PSMD9: variants seen among roughly 807,000 people sequenced by gnomAD.
PSMD9 encodes proteasome 26S subunit, non-ATPase 9.
PSMD9 carries 26 observed loss-of-function variants against 25.9 expected under a neutral mutation model. The ratio of observed to expected loss-of-function variants is 1.00; its 90% CI spans 0.73 to 1.39. The LOEUF is 1.39. PSMD9 is among the 40% of genes most tolerant of loss of function. The pLI, the probability that PSMD9 is intolerant of heterozygous loss-of-function variation, is 0.00. For synonymous variants in PSMD9, 110 were observed against 114.5 expected (o/e 0.96, Z 0.25); for missense variants, 303 against 299.3 (o/e 1.01, Z -0.09).
chr12:121,901,017 G>A (rs547830242), intron 3 of PSMD9, among the ~76,000 whole-genome samples: 1 of 151,156 alleles, frequency 6.6e-6, no homozygotes, highest in South Asian at 2.1e-4. Context: ...AGGAGATGGG[G>A]TTTCGCTCTG....
chr12:121,908,918 A>G (rs1454620223), intron 4 of PSMD9, among the ~76,000 whole-genome samples: 1 of 152,090 alleles, frequency 6.6e-6, no homozygotes, highest in Non-Finnish European at 1.5e-5. Context: ...GGAGGAGGTG[A>G]GGCCAGGAGG....
chr12:121,891,936 C>T (rs1485507666), intron 1 of PSMD9, among the ~76,000 whole-genome samples: 2 of 143,314 alleles, frequency 1.4e-5, no homozygotes, highest in African/African-American at 5.1e-5. Flanking sequence ...AAGTGGACAG[C>T]TAAAACTATA....
intron 4 of PSMD9, among the ~76,000 whole-genome samples, chr12:121,913,414 G>A (rs1242207330): frequency 6.6e-6 from 1 of 151,456 alleles, no homozygotes; most frequent in East Asian, 1.9e-4. Flanking sequence ...TTTTGTTGAT[G>A]TTGAGGTATA....
chr12:121,890,085 T>C (rs1485467855), intron 1 of PSMD9, among the ~76,000 whole-genome samples: 2 of 152,106 alleles, frequency 1.3e-5, no homozygotes, highest in Non-Finnish European at 2.9e-5. Context: ...GCCAGGCTAA[T>C]TTTTTATTTT....
chr12:121,890,490 C>T (rs1879036653), intron 1 of PSMD9, among the ~76,000 whole-genome samples: 1 of 151,962 alleles, frequency 6.6e-6, no homozygotes, highest in Non-Finnish European at 1.5e-5. Flanking sequence ...ATTATTGAGA[C>T]AGGGTCTCGC....
Position 121,889,014 on chromosome 12 carries a change from GC to G in PSMD9, c.138+24del. The G allele has an allele frequency of 6.4e-7, 1 of 1,570,026 alleles. No homozygotes were observed. Among genetic ancestry groups the G allele is most frequent in the Non-Finnish European group, 8.6e-7 (1 of 1,156,982 alleles). On this transcript the variant is annotated intron_variant, in intron 1 of 5. Coordinates refer to ENST00000541212, the MANE Select transcript of PSMD9 (RefSeq NM_002813.7). ...GAAAGCGTGAGTGTGGGTTCGGGGC[GC>G]CCCAAGTCGCCTAACCCGGCCCGGA...
At chr12:121,900,051 C>A (rs192479199) in intron 3 of PSMD9, among the ~76,000 whole-genome samples, 32 of 152,258 alleles carry the variant, frequency 2.1e-4, no homozygotes, top group African/African-American at 7.5e-4. Context: ...CCCGGCTGCC[C>A]ACTACATTGG....
intron 1 of PSMD9, chr12:121,893,667 G>T (rs900651563): frequency 6.6e-6 from 1 of 152,280 alleles, no homozygotes; most frequent in African/African-American, 2.4e-5. Flanking sequence ...ACCTCTGCCT[G>T]CATCTTCATG....
chr12:121,895,437 A>G (rs1368881869), intron 2 of PSMD9, among the ~76,000 whole-genome samples: 2 of 152,224 alleles, frequency 1.3e-5, no homozygotes, highest in Non-Finnish European at 2.9e-5. Flanking sequence ...ATTGGATAGT[A>G]TATTTGTTTC....
intron 4 of PSMD9, among the ~76,000 whole-genome samples, chr12:121,911,310 G>A (rs1457557991): frequency 6.6e-6 from 1 of 152,156 alleles, no homozygotes; most frequent in African/African-American, 2.4e-5. Flanking sequence ...AAAGTGCTGG[G>A]ATTACAGGAC....
chr12:121,906,855 A>T (rs1368141816), intron 4 of PSMD9, among the ~76,000 whole-genome samples: 1 of 149,690 alleles, frequency 6.7e-6, no homozygotes, highest in Non-Finnish European at 1.5e-5. Context: ...CTCTCCAGCT[A>T]CTTGGGAGGC....
chr12:121,913,358 C>T (rs1231717820), intron 4 of PSMD9, among the ~76,000 whole-genome samples: 2 of 152,080 alleles, frequency 1.3e-5, no homozygotes, highest in African/African-American at 2.4e-5. Flanking sequence ...GGATTACAGG[C>T]GTGAGCCACC....
chr12:121,909,042 C>T (rs891587056), intron 4 of PSMD9, among the ~76,000 whole-genome samples: 3 of 152,056 alleles, frequency 2.0e-5, no homozygotes, highest in Non-Finnish European at 4.4e-5. Flanking sequence ...AAGAAGCCTT[C>T]TCTGGATGTT....
intron 2 of PSMD9, among the ~76,000 whole-genome samples, chr12:121,896,849 A>AAAAAG (rs1565891034): frequency 8.1e-5 from 12 of 148,396 alleles, no homozygotes; most frequent in Non-Finnish European, 7.4e-5. Flanking sequence ...AAAAAAAAAA[A>AAAAAG]AAAAGAAAAG....
rs12229068 is a variant in PSMD9, at chr12:121,917,010, T to C, written c.*699T>C. 12,227 of 152,494 alleles carry C rather than the reference T, an allele frequency of 0.08. 939 individuals are homozygous for C. The highest frequency in any genetic ancestry group is 0.2 in the African/African-American group (8,301 of 41,516). 9.4% of individuals were successfully genotyped at this position (152,494 alleles called of 1,614,324 possible). On this transcript the variant is annotated 3_prime_UTR_variant, in exon 6 of 6. Transcript: ENST00000541212. Reference sequence around the variant, plus strand: ...CCCTCCGTTTTTGTGTGTTTTTGTTTTTGTTTTCTGGAGACAAGGTCTTGC... The same window carrying C: ...CCCTCCGTTTTTGTGTGTTTTTGTTCTTGTTTTCTGGAGACAAGGTCTTGC...
chr12:121,891,901 C>CAAAAAAAAAAAA (rs33982940), intron 1 of PSMD9, among the ~76,000 whole-genome samples: 1 of 74,316 alleles, frequency 1.3e-5, no homozygotes, highest in Non-Finnish European at 2.4e-5. Context: ...GATTCCATCT[C>CAAAAAAAAAAAA]AAAAAAAAAA....
intron 2 of PSMD9, chr12:121,897,940 GT>G (rs1299615233): frequency 6.6e-6 from 1 of 152,184 alleles, no homozygotes; most frequent in East Asian, 1.9e-4. Context: ...GATTAGAATT[GT>G]AATATGTTGT....
At position 121,917,948 on chromosome 12, in the gene PSMD9, T is replaced by A. The variant is rs1879973445; in HGVS notation, c.*1637T>A. The A allele has an allele frequency of 6.6e-6, 1 of 152,230 alleles. No homozygotes were observed. Among genetic ancestry groups the A allele is most frequent in the Admixed American group, 6.5e-5 (1 of 15,272 alleles). The allele number at this position is 152,230 out of a possible 1,614,324, so 9.4% of individuals were successfully genotyped here. A position where few individuals can be genotyped will look rare whatever the true frequency, so the allele number is the denominator to read the frequency against. ...ATGGCAGTGTGGGCGGGGAGAATTA[T>A]TCACATTCTCCTAAAATGACAGCAG... On this transcript the variant is annotated 3_prime_UTR_variant, in exon 6 of 6. Transcript: ENST00000541212.
chr12:121,889,357 C>A (rs1034764790), intron 1 of PSMD9, among the ~76,000 whole-genome samples: 1 of 152,202 alleles, frequency 6.6e-6, no homozygotes, highest in African/African-American at 2.4e-5. Context: ...AAACAGCTGT[C>A]ATGTGCCTCG....
Sources: allele counts gnomAD v4.1 joint callset (sites outside exome capture counted in the v4.1 genomes callset), GRCh38; gene constraint gnomAD v4.1.1; transcripts MANE v1.5; gene names NCBI Gene and HGNC (gene_info 2026-07-23, HGNC 2026-07-21).